The following GRIPAP1 variants were observed in gnomAD, a reference collection of about 807,000 sequenced individuals.
GRIPAP1 encodes the protein GRIP1 associated protein 1.
In GRIPAP1, 14 loss-of-function variants were observed where a neutral mutation model predicts 84.1. The ratio of observed to expected loss-of-function variants is 0.17; its 90% CI spans 0.11 to 0.26. The LOEUF is 0.26. Among genes scored for constraint, GRIPAP1 ranks in the 10% least tolerant of loss-of-function variants. The pLI is 1.00. For synonymous variants in GRIPAP1, 261 were observed against 256.8 expected (o/e 1.02, Z -0.15); for missense variants, 518 against 674.2 (o/e 0.77, Z 2.57).
intron 7 of GRIPAP1, 32 bp from the exon 8 acceptor site, chrX:48,990,764 T>C (rs2064515373): frequency 3.4e-6 from 4 of 1,175,162 alleles, no homozygotes; most frequent in Non-Finnish European, 4.6e-6. Flanking sequence ...GGGAGGGTTG[T>C]TGTTAGCAAG....
intron 4 of GRIPAP1, 69 bp downstream of exon 4, chrX:48,998,085 A>C (rs1040976088): frequency 1.3e-6 from 1 of 784,837 alleles, no homozygotes; most frequent in East Asian, 3.1e-5. Flanking sequence ...GTACAAGGAA[A>C]TATCAGCATA....
chrX:48,991,235 C>T (rs879957972), intron 6 of GRIPAP1, 125 bp from the exon 7 acceptor site: 1 of 509,097 alleles, frequency 2.0e-6, no homozygotes, highest in East Asian at 3.6e-5. Context: ...CAAATGACCA[C>T]ATGCCTAAAA....
chrX:48,997,633 T>G (rs1330248697), intron 4 of GRIPAP1, among the ~76,000 whole-genome samples: 6 of 87,587 alleles, frequency 6.9e-5, no homozygotes, highest in South Asian at 5.6e-4. Context: ...GAAGTAGAGA[T>G]GGGGAAAGGG....
chrX:48,984,714 CAAAAAA>C (rs782364425), intron 14 of GRIPAP1, among the ~76,000 whole-genome samples: 1 of 15,854 alleles, frequency 6.3e-5, no homozygotes, highest in Non-Finnish European at 9.7e-5. Context: ...GACTCCATCT[CAAAAAA>C]AAAAAAAAAA....
chrX:48,988,404 G>A (rs976189467), intron 11 of GRIPAP1: 85 of 417,673 alleles, frequency 2.0e-4, no homozygotes, highest in Admixed American at 5.8e-4. Context: ...CTATCCCAGC[G>A]TACAAGATCT....
At chrX:48,997,102 C>A in intron 5 of GRIPAP1, 148 bp downstream of exon 5, 1 of 444,799 alleles carries the variant, frequency 2.2e-6, no homozygotes, top group Admixed American at 3.8e-5. Flanking sequence ...CAAATTACTG[C>A]CCCCCAGCAG....
rs782077384 is a variant in GRIPAP1 at position 48,989,890 on chromosome X, CAGA to C, written c.723-11_723-9del. On this transcript the variant is annotated splice_polypyrimidine_tract_variant and intron_variant, in intron 9 of 25. Coordinates refer to ENST00000376423, the MANE Select transcript of GRIPAP1 (RefSeq NM_020137.5). ...GTCTGCAGACGGCAAAAACTGGGCA[CAGA>C]AGGACAGATGTAGATGGGTCAGTTC... The C allele has an allele frequency of 3.7e-5, 45 of 1,206,838 alleles. No homozygotes were observed. The highest frequency in any genetic ancestry group is 4.3e-5 in the Non-Finnish European group (38 of 892,711).
Position 48,990,967 on chromosome X carries a change from C to T in GRIPAP1, c.601G>A (p.Glu201Lys). The T allele has an allele frequency of 8.5e-7, 1 of 1,178,450 alleles. No individual in the cohort carries two copies. The highest frequency in any genetic ancestry group is 1.1e-6 in the Non-Finnish European group (1 of 879,877). ...TGTTCCCAGAGCAATCTCTTCTCCTCTTTCTCCATTTCCCATTTCAGCTCC... is the reference window on the plus strand; with the variant it reads ...TGTTCCCAGAGCAATCTCTTCTCCTTTTTCTCCATTTCCCATTTCAGCTCC... ...EVELKWEMEK[E>K]EKRLLWEQLQ... is the part of the protein sequence containing the mutation. The change falls in exon 7 of 26, where the codon GAG (glutamate) becomes AAG (lysine). Residue 201 changes from glutamate to lysine, a missense_variant. Around this residue, in one of 5 missense-constraint regions of GRIPAP1, gnomAD observed 372 missense variants for 458.1 expected, o/e 0.81. Transcript: ENST00000376423.
At chrX:48,981,093 G>A in intron 21 of GRIPAP1, 122 bp downstream of exon 21, 1 of 490,208 alleles carries the variant, frequency 2.0e-6, no homozygotes, top group Non-Finnish European at 3.6e-6. Flanking sequence ...AAAAGATGGA[G>A]TTCCAGAGCG....
In GRIPAP1 at chrX:48,983,428, G is replaced by A. The variant is rs1557062822; in HGVS notation, c.1285C>T (p.Arg429Trp). ...LQEARKSAEKRKAMLDELAME... is the reference protein window; with the variant it reads ...LQEARKSAEKWKAMLDELAME... Reference sequence around the variant, plus strand: ...GCTAGCTCATCCAGCATGGCCTTCCGCTTCTCCGCACTCTGGGGGCCAGGA... The same window carrying A: ...GCTAGCTCATCCAGCATGGCCTTCCACTTCTCCGCACTCTGGGGGCCAGGA... Residue 429 changes from arginine to tryptophan, a missense_variant, in exon 16 of 26, where the codon CGG becomes TGG. Arg to Trp is a moderately radical substitution (Grantham distance 101). Around this residue, in one of 5 missense-constraint regions of GRIPAP1, gnomAD observed 372 missense variants for 458.1 expected, o/e 0.81. Coordinates refer to ENST00000376423, the MANE Select transcript of GRIPAP1 (RefSeq NM_020137.5). 3 of 1,208,218 alleles carry A rather than the reference G, an allele frequency of 2.5e-6. No homozygotes were observed. Among genetic ancestry groups the A allele is most frequent in the South Asian group, 1.8e-5 (1 of 56,890 alleles).
chrX:48,985,857 GA>G (rs1189448036), intron 13 of GRIPAP1, among the ~76,000 whole-genome samples: 1 of 109,243 alleles, frequency 9.2e-6, no homozygotes, highest in Non-Finnish European at 1.9e-5. Context: ...GAGAGAGAGA[GA>G]AAAAAAAGAG....
intron 15 of GRIPAP1, 30 bp from the exon 16 acceptor site, chrX:48,983,470 C>T (rs782039480): frequency 1.7e-6 from 2 of 1,145,985 alleles, no homozygotes; most frequent in Admixed American, 4.4e-5. Context: ...CAGTCAACTT[C>T]CTTCCACAAC....
At chrX:48,981,344 G>A (rs1175383785) in intron 20 of GRIPAP1, 30 bp from the exon 21 acceptor site, 1 of 1,197,227 alleles carries the variant, frequency 8.4e-7, no homozygotes, top group Non-Finnish European at 1.1e-6. Context: ...CATGAGGACT[G>A]AGGCCCAGTG....
intron 13 of GRIPAP1, among the ~76,000 whole-genome samples, chrX:48,987,159 T>C (rs1267353287): frequency 3.0e-5 from 3 of 101,653 alleles, no homozygotes; most frequent in African/African-American, 1.1e-4. Flanking sequence ...TTTTTTTTTT[T>C]TTTTTTTTAG....
In GRIPAP1 at chrX:48,991,037, C is replaced by G; in HGVS notation, c.531G>C (p.Gly177=). 1 of 1,198,634 alleles carries G rather than the reference C, an allele frequency of 8.3e-7. No individual in the cohort carries two copies. The highest frequency in any genetic ancestry group is 1.7e-5 in the African/African-American group (1 of 57,733). Reference sequence around the variant, plus strand: ...GGGCCAGGACGGTGGGGGCCAGGCCCCCTGGGGGATCCCCCTGGCCCTCAC... The same window carrying G: ...GGGCCAGGACGGTGGGGGCCAGGCCGCCTGGGGGATCCCCCTGGCCCTCAC... The part of the protein sequence containing the change: ...AVSEGQGDPP[G]GLAPTVLAPM... The change falls in exon 7 of 26, where the codon GGG becomes GGC. Residue 177 remains glycine (G), a synonymous_variant. Coordinates refer to ENST00000376423, the MANE Select transcript of GRIPAP1 (RefSeq NM_020137.5).
In GRIPAP1 at chrX:48,990,015, G is replaced by C; in HGVS notation, c.691-12C>G. 8.6e-7 allele frequency: 1 copy of C among 1,161,522 alleles called. No individual in the cohort carries two copies. On this transcript the variant is annotated splice_polypyrimidine_tract_variant and intron_variant, in intron 8 of 25. Transcript: ENST00000376423. ...AGTTTCTCGGAGAGCTGGGGAGAGA[G>C]GTACAGACAAGTGATAACATTGAGA...
chrX:48,999,343 AG>A (rs1557067717), intron 2 of GRIPAP1, 44 bp from the exon 3 acceptor site: 1 of 1,133,638 alleles, frequency 8.8e-7, no homozygotes, highest in Non-Finnish European at 1.2e-6. Flanking sequence ...GCCAGTGGCA[AG>A]AAACTGAAAG....
intron 21 of GRIPAP1, among the ~76,000 whole-genome samples, chrX:48,980,326 G>C (rs1416267614): frequency 9.2e-6 from 1 of 109,118 alleles, no homozygotes; most frequent in African/African-American, 3.3e-5. Flanking sequence ...AAACACCACA[G>C]CGTTGCTGAC....
At position 48,990,186 on chromosome X, in the gene GRIPAP1, CAG is replaced by C. The variant is rs1178952988; in HGVS notation, c.691-185_691-184del. On this transcript the variant is annotated intron_variant, in intron 8 of 25. Coordinates refer to ENST00000376423, the MANE Select transcript of GRIPAP1 (RefSeq NM_020137.5). ...AGTACCAGTTTTACAAATGGGGAAA[CAG>C]AGTCTTGGAAAGGTTAAGTAATTTG... Among the ~76,000 whole-genome samples, 17 of 111,822 alleles carry C rather than the reference CAG, an allele frequency of 1.5e-4. No homozygotes were observed. In the East Asian group the frequency reaches 4.2e-3, roughly 28 times the overall value.
Sources: allele counts gnomAD v4.1 joint callset (sites outside exome capture counted in the v4.1 genomes callset), GRCh38; gene constraint gnomAD v4.1.1; regional missense constraint gnomAD v4.1.1; transcripts MANE v1.5; gene names NCBI Gene and HGNC (gene_info 2026-07-23, HGNC 2026-07-21).